PPP1R9B: variants seen among roughly 807,000 people sequenced by gnomAD.
PPP1R9B encodes the protein protein phosphatase 1 regulatory subunit 9B.
In PPP1R9B, 17 loss-of-function variants were observed where a neutral mutation model predicts 75.8. That is an observed-to-expected ratio of 0.22 (90% CI 0.15 to 0.34). The LOEUF is 0.34. Among genes scored for constraint, PPP1R9B ranks in the 10% least tolerant of loss-of-function variants. The pLI is 1.00. For missense variants in PPP1R9B, 875 were observed against 1,196.0 expected, an observed-to-expected ratio of 0.73 and a Z score of 3.96; for synonymous variants, 509 against 535.4, an observed-to-expected ratio of 0.95 and a Z score of 0.68.
rs932890666 is a variant in PPP1R9B at position 50,150,037 on chromosome 17, T to C, written c.477A>G (p.Ala159=). 7.5e-6 allele frequency: 11 copies of C among 1,468,304 alleles called. No individual in the cohort carries two copies. In the African/African-American group the frequency reaches 1.6e-4, roughly 22 times the overall value. The allele number at this position is 1,468,304 out of a possible 1,614,324, so 91.0% of individuals were successfully genotyped here. ...KLFERSAPAA[A]GGDKEAAARR... is the part of the protein sequence containing the mutation. ...GCGCCGCGGCCTCCTTGTCGCCGCC[T>C]GCGGCCGCTGGGGCGCTCCGTTCGA... Residue 159 remains alanine (A), a synonymous_variant, in exon 1 of 10, where the codon GCA becomes GCG. Coordinates refer to ENST00000612501, the MANE Select transcript of PPP1R9B (RefSeq NM_032595.5). The surrounding 1 kb of genome is among the most constrained non-coding windows in gnomAD (Gnocchi z 8.7).
Position 50,149,090 on chromosome 17 carries a change from C to A in PPP1R9B, c.1371+53G>T. On this transcript the variant is annotated intron_variant, in intron 1 of 9. Coordinates refer to ENST00000612501, the MANE Select transcript of PPP1R9B (RefSeq NM_032595.5). This position sits in a 1 kb window ranked among gnomAD's most constrained non-coding sequence, Gnocchi z 7.2. ...CTGGCTGGCTGGCGAGCGGGGGCGG[C>A]CGCGTGCACGTGGCAGGGGCGGCGC... The A allele has an allele frequency of 7.7e-7, 1 of 1,305,500 alleles. No homozygotes were observed. The highest frequency in any genetic ancestry group is 1.7e-5 in the South Asian group (1 of 58,520). The allele number at this position is 1,305,500 out of a possible 1,614,324, so 80.9% of individuals were successfully genotyped here.
chr17:50,150,383 C>T lies in PPP1R9B; in HGVS notation c.131G>A (p.Gly44Glu). Residue 44 changes from glycine to glutamate, a missense_variant, in exon 1 of 10, where the codon GGG becomes GAG. Transcript: ENST00000612501. The surrounding 1 kb of genome is among the most constrained non-coding windows in gnomAD (Gnocchi z 8.7). ...DAPGPDEAPK[G>E]AHHKKYGSNV... is the part of the protein sequence containing the mutation. ...GGAGCCATATTTCTTGTGGTGGGCCCCCTTGGGTGCCTCGTCGGGCCCGGG... is the reference window on the plus strand; with the variant it reads ...GGAGCCATATTTCTTGTGGTGGGCCTCCTTGGGTGCCTCGTCGGGCCCGGG... The T allele has an allele frequency of 7.1e-7, 1 of 1,411,812 alleles. No individual in the cohort carries two copies. The highest frequency in any genetic ancestry group is 9.2e-7 in the Non-Finnish European group (1 of 1,082,064). 87.5% of individuals were successfully genotyped at this position (1,411,812 alleles called of 1,614,324 possible).
At chr17:50,138,692 C>T (rs578063754) in intron 7 of PPP1R9B, among the ~76,000 whole-genome samples, 4 of 152,256 alleles carry the variant, frequency 2.6e-5, no homozygotes, top group Admixed American at 6.5e-5. Context: ...GGCACAATCA[C>T]GGCTCACTGC....
rs146365088 is a variant in PPP1R9B, at chr17:50,139,495, C to T, written c.1953G>A (p.Ala651=). 395 of 1,602,952 alleles carry T rather than the reference C, an allele frequency of 2.5e-4. No individual in the cohort carries two copies. The African/African-American group carries it at 4.7e-3, about 19-fold the overall frequency. The change falls in exon 6 of 10, where the codon GCG becomes GCA. Residue 651 remains alanine (A), a synonymous_variant. Transcript: ENST00000612501. This position sits in a 1 kb window ranked among gnomAD's most constrained non-coding sequence, Gnocchi z 5.0. ...CAGGGGACAGTGCATCCTCGTTCTC[C>T]GCTAGCTCAAACACCTCGATGGCCA... ...GEMAIEVFEL[A]ENEDALSPVD... is the part of the protein sequence containing the mutation.
chr17:50,144,133 C>T (rs1413193540), intron 2 of PPP1R9B, among the ~76,000 whole-genome samples: 5 of 152,112 alleles, frequency 3.3e-5, no homozygotes, highest in African/African-American at 1.2e-4. Context: ...TCCAGATTTT[C>T]TCTCCCCTGA....
At chr17:50,137,599 T>C (rs1407358179) in intron 7 of PPP1R9B, among the ~76,000 whole-genome samples, 1 of 152,140 alleles carries the variant, frequency 6.6e-6, no homozygotes, top group East Asian at 1.9e-4. Flanking sequence ...GCCAGGACAC[T>C]GTCTGGGCCC....
intron 2 of PPP1R9B, 65 bp from the exon 3 acceptor site, chr17:50,143,783 G>A (rs1287396234): frequency 8.8e-6 from 14 of 1,598,044 alleles, no homozygotes; most frequent in East Asian, 4.5e-5. Flanking sequence ...TCTCCACCCC[G>A]AATTCCAGGG....
rs758941743 is a variant in PPP1R9B at position 50,135,294 on chromosome 17, G to A, written c.*37C>T. ...GACAGGGGAGGGAGGACAATGGGAGGGGGGTTAATTATTGTCCAGTCATGG... is the reference window on the plus strand; with the variant it reads ...GACAGGGGAGGGAGGACAATGGGAGAGGGGTTAATTATTGTCCAGTCATGG... On this transcript the variant is annotated 3_prime_UTR_variant, in exon 10 of 10. Coordinates refer to ENST00000612501, the MANE Select transcript of PPP1R9B (RefSeq NM_032595.5). The A allele has an allele frequency of 1.8e-5, 28 of 1,563,150 alleles. No homozygotes were observed. The highest frequency in any genetic ancestry group is 2.5e-5 in the Non-Finnish European group (28 of 1,134,634).
At chr17:50,140,863 G>A (rs1419916705) in intron 4 of PPP1R9B, among the ~76,000 whole-genome samples, 1 of 152,154 alleles carries the variant, frequency 6.6e-6, no homozygotes, top group South Asian at 2.1e-4. Flanking sequence ...GCCTGGGGCG[G>A]AGTCTTCCCA....
intron 1 of PPP1R9B, 54 bp from the exon 2 acceptor site, chr17:50,145,299 T>G (rs747846415): frequency 1.2e-6 from 2 of 1,606,504 alleles, no homozygotes; most frequent in Non-Finnish European, 1.7e-6. Context: ...AGTGCAGAAC[T>G]GGCATGAGGA....
chr17:50,136,164 G>A lies in PPP1R9B; in HGVS notation c.2107C>T (p.Arg703Trp), dbSNP rs1056981216. 10 of 1,602,414 alleles carry A rather than the reference G, an allele frequency of 6.2e-6. No individual in the cohort carries two copies. The highest frequency in any genetic ancestry group is 1.6e-4 in the Middle Eastern group (1 of 6,080). Residue 703 changes from arginine (R) to tryptophan (W), a missense_variant, in exon 8 of 10, where the codon CGG (arginine) becomes TGG (tryptophan). Transcript: ENST00000612501. ...TGCTCCAACTGCGCCTTCTCCACCC[G>A]CCAGCGCCCCTTCTCCTGCTCCAGG... Reference protein sequence around the residue: ...QSLEQEKGRWRVEKAQLEQSV... With the variant: ...QSLEQEKGRWWVEKAQLEQSV...
chr17:50,147,662 T>G (rs1912549982), intron 1 of PPP1R9B, among the ~76,000 whole-genome samples: 1 of 148,788 alleles, frequency 6.7e-6, no homozygotes, highest in Non-Finnish European at 1.5e-5. Context: ...GGGGGTGGGG[T>G]GGGGGGATCC....
In PPP1R9B at chr17:50,140,354, C is replaced by T. The variant is rs569924531; in HGVS notation, c.1731-126G>A. 16 of 1,228,834 alleles carry T rather than the reference C, an allele frequency of 1.3e-5. No homozygotes were observed. Among genetic ancestry groups the T allele is most frequent in the African/African-American group, 1.1e-4 (7 of 66,068 alleles). The allele number at this position is 1,228,834 out of a possible 1,614,324, so 76.1% of individuals were successfully genotyped here. A position where few individuals can be genotyped will look rare whatever the true frequency, so the allele number is the denominator to read the frequency against. On this transcript the variant is annotated intron_variant, in intron 4 of 9. Coordinates refer to ENST00000612501, the MANE Select transcript of PPP1R9B (RefSeq NM_032595.5). ...GGAGGAGAGATGAGAGGGCTGAGTC[C>T]GAAGGCTGCAGTGTTAATAATGAAT...
chr17:50,149,100 G>T lies in PPP1R9B; in HGVS notation c.1371+43C>A, dbSNP rs1323131632. 3.0e-6 allele frequency: 4 copies of T among 1,337,182 alleles called. No individual in the cohort carries two copies. In the East Asian group the frequency reaches 1.2e-4, roughly 39 times the overall value. 82.8% of individuals were successfully genotyped at this position (1,337,182 alleles called of 1,614,324 possible). A position where few individuals can be genotyped will look rare whatever the true frequency, so the allele number is the denominator to read the frequency against. On this transcript the variant is annotated intron_variant, in intron 1 of 9. Transcript: ENST00000612501. The surrounding 1 kb of genome is among the most constrained non-coding windows in gnomAD (Gnocchi z 7.2). ...GGCGAGCGGGGGCGGCCGCGTGCAC[G>T]TGGCAGGGGCGGCGCGGGGGCAGGG...
chr17:50,133,942 G>A lies in PPP1R9B; in HGVS notation c.*1389C>T, dbSNP rs536606296. The A allele has an allele frequency of 1.3e-5, 2 of 152,766 alleles. No individual in the cohort carries two copies. Among genetic ancestry groups the A allele is most frequent in the East Asian group, 1.9e-4 (1 of 5,180 alleles). The allele number at this position is 152,766 out of a possible 1,614,324, so 9.5% of individuals were successfully genotyped here. ...TGCCGGGGTGAAGTGCGCGAGCCCA[G>A]GACTGAGACAGCCAGCTCCTTCAGG... On this transcript the variant is annotated 3_prime_UTR_variant, in exon 10 of 10. Coordinates refer to ENST00000612501, the MANE Select transcript of PPP1R9B (RefSeq NM_032595.5).
At position 50,143,592 on chromosome 17, in the gene PPP1R9B, T is replaced by C. The variant is rs1423378212; in HGVS notation, c.1625+6A>G. 6.2e-7 allele frequency: 1 copy of C among 1,613,768 alleles called. No homozygotes were observed. The highest frequency in any genetic ancestry group is 1.3e-5 in the African/African-American group (1 of 74,902). On this transcript the variant is annotated splice_donor_region_variant and intron_variant, in intron 3 of 9. Transcript: ENST00000612501. ...AGGGTCAGGCGAGACTGGGGAGGAT[T>C]GGTACCTGCCATCCCGATGGGCCGC...
rs1912401584 is a variant in PPP1R9B at position 50,142,142 on chromosome 17, G to C, written c.1626-769C>G. ...CAGGTGCACCTGCCGACACACTCCA[G>C]TTGTGTCCCCTGAAGCCCGTGTTCT... is the stretch of plus-strand genomic sequence containing the variant. On this transcript the variant is annotated intron_variant, in intron 3 of 9. Transcript: ENST00000612501. This position sits in a 1 kb window ranked among gnomAD's most constrained non-coding sequence, Gnocchi z 4.1. Among the ~76,000 whole-genome samples, 1 of 152,206 alleles carries C rather than the reference G, an allele frequency of 6.6e-6. No homozygotes were observed. Among genetic ancestry groups the C allele is most frequent in the East Asian group, 1.9e-4 (1 of 5,194 alleles).
At position 50,150,301 on chromosome 17, in the gene PPP1R9B, C is replaced by T; in HGVS notation, c.213G>A (p.Ser71=). The change falls in exon 1 of 10, where the codon TCG becomes TCA. Residue 71 remains serine, a synonymous_variant. Coordinates refer to ENST00000612501, the MANE Select transcript of PPP1R9B (RefSeq NM_032595.5). The surrounding 1 kb of genome is among the most constrained non-coding windows in gnomAD (Gnocchi z 8.7). ...FLQMGTTAGP[S]GEAGGGAGLA... ...GGCCCGCGCCGCCGCCCGCCTCGCC[C>T]GAGGGCCCCGCCGTCGTGCCCATCT... 5 of 1,433,780 alleles carry T rather than the reference C, an allele frequency of 3.5e-6. No individual in the cohort carries two copies. The highest frequency in any genetic ancestry group is 4.6e-6 in the Non-Finnish European group (5 of 1,090,978). The allele number at this position is 1,433,780 out of a possible 1,614,324, so 88.8% of individuals were successfully genotyped here. A position where few individuals can be genotyped will look rare whatever the true frequency, so the allele number is the denominator to read the frequency against.
chr17:50,145,373 T>C, intron 1 of PPP1R9B, 128 bp from the exon 2 acceptor site: 3 of 1,194,682 alleles, frequency 2.5e-6, no homozygotes, highest in South Asian at 1.3e-5. Context: ...AGATGAGGCC[T>C]CACCCAGTCC....
Sources: allele counts gnomAD v4.1 joint callset (sites outside exome capture counted in the v4.1 genomes callset), GRCh38; gene constraint gnomAD v4.1.1; non-coding constraint Gnocchi (gnomAD v3.1); transcripts MANE v1.5; gene names NCBI Gene and HGNC (gene_info 2026-07-23, HGNC 2026-07-21).